Variants in WDR36 observed in about 807,000 individuals in gnomAD.
WDR36 encodes the protein WD repeat-containing protein 36.
Under a neutral mutation model 112.7 loss-of-function variants are expected in WDR36, and 63 were observed. The observed-to-expected ratio is 0.56, with a 90% CI of 0.46 to 0.69. The LOEUF (loss-of-function observed/expected upper bound fraction) is 0.69. WDR36 is among the 30% of genes least tolerant of loss of function. The pLI is 0.00. For synonymous variants in WDR36, 410 were observed against 362.2 expected (o/e 1.13, Z -1.50); for missense variants, 1,226 against 1,070.3 (o/e 1.15, Z -2.03).
At chr5:111,105,235 A>G (rs531256866) in intron 9 of WDR36, 60 bp from the exon 10 acceptor site, 4 of 1,516,866 alleles carry the variant, frequency 2.6e-6, no homozygotes, top group African/African-American at 2.8e-5. Context: ...AAAATTTGTG[A>G]TTCACATAGT....
chr5:111,106,142 A>G lies in WDR36; in HGVS notation c.1179A>G (p.Ala393=). 5.6e-6 allele frequency: 9 copies of G among 1,609,174 alleles called. No individual in the cohort carries two copies. The highest frequency in any genetic ancestry group is 6.8e-6 in the Non-Finnish European group (8 of 1,176,364). ...VRLPPITKFA[A]EEARESDWDG... Reference sequence around the variant, plus strand: ...TTCCACCCATCACAAAGTTTGCAGCAGGTAAGTAACTTCAAACTGTGTTTT... The same window carrying G: ...TTCCACCCATCACAAAGTTTGCAGCGGGTAAGTAACTTCAAACTGTGTTTT... The change falls in exon 11 of 23, where the codon GCA becomes GCG. Residue 393 remains alanine (A), a splice_region_variant and synonymous_variant. Transcript: ENST00000513710.
At chr5:111,114,004 C>G (rs1165750940) in intron 16 of WDR36, among the ~76,000 whole-genome samples, 1 of 152,132 alleles carries the variant, frequency 6.6e-6, no homozygotes, top group Admixed American at 6.6e-5. Flanking sequence ...AGGGGACATT[C>G]TAACTATATC....
chr5:111,101,556 T>C (rs1475242844), intron 5 of WDR36, among the ~76,000 whole-genome samples: 1 of 151,924 alleles, frequency 6.6e-6, no homozygotes, highest in African/African-American at 2.4e-5. Flanking sequence ...ATACATGATT[T>C]TGAATACTTC....
chr5:111,111,646 A>G (rs1753341831), intron 15 of WDR36: 1 of 200,194 alleles, frequency 5.0e-6, no homozygotes, highest in Non-Finnish European at 1.0e-5. Context: ...GTAGAAGACC[A>G]TTTCCCTGGA....
intron 11 of WDR36, among the ~76,000 whole-genome samples, chr5:111,107,083 A>G (rs553007521): frequency 1.3e-5 from 2 of 151,512 alleles, no homozygotes; most frequent in African/African-American, 4.8e-5. Flanking sequence ...TCACAACGTT[A>G]TGTTCTATGC....
chr5:111,106,106 G>A lies in WDR36; in HGVS notation c.1143G>A (p.Met381Ile), dbSNP rs765247485. The change falls in exon 11 of 23, where the codon ATG becomes ATA. Residue 381 changes from methionine to isoleucine, a missense_variant. Met to Ile is a conservative substitution (Grantham distance 10, BLOSUM62 1). Transcript: ENST00000513710. ...RVKRKGLQNT[M>I]SVRLPPITKF... ...AACGTAAAGGACTTCAGAATACCAT[G>A]TCAGTGAGACTTCCACCCATCACAA... 3 of 1,609,970 alleles carry A rather than the reference G, an allele frequency of 1.9e-6. No homozygotes were observed. Among genetic ancestry groups the A allele is most frequent in the African/African-American group, 2.7e-5 (2 of 74,654 alleles).
chr5:111,116,458 A>C (rs571954906), intron 16 of WDR36, among the ~76,000 whole-genome samples: 1 of 152,302 alleles, frequency 6.6e-6, no homozygotes, highest in African/African-American at 2.4e-5. Context: ...GCACTTTGGA[A>C]ATAGAACATA....
intron 19 of WDR36, among the ~76,000 whole-genome samples, chr5:111,122,337 A>C (rs150918099): frequency 6.6e-6 from 1 of 152,364 alleles, no homozygotes; most frequent in East Asian, 1.9e-4. Context: ...ACTGCATAAA[A>C]TCTTATATCA....
At chr5:111,099,399 G>A (rs1161105509) in intron 4 of WDR36, among the ~76,000 whole-genome samples, 1 of 136,518 alleles carries the variant, frequency 7.3e-6, no homozygotes, top group Non-Finnish European at 1.6e-5. Flanking sequence ...AATCTTTTAA[G>A]TTCTTTAATC....
chr5:111,100,061 T>G (rs1237827435), intron 4 of WDR36, among the ~76,000 whole-genome samples: 2 of 113,846 alleles, frequency 1.8e-5, no homozygotes, highest in East Asian at 2.2e-4. Context: ...GGTTATACGT[T>G]TTTTTTTTCT....
intron 11 of WDR36, among the ~76,000 whole-genome samples, 189 bp from the exon 12 acceptor site, chr5:111,107,105 A>T (rs1249895126): frequency 6.6e-6 from 1 of 151,490 alleles, no homozygotes; most frequent in Non-Finnish European, 1.5e-5. Flanking sequence ...ATAAACACAT[A>T]AATACACACA....
In WDR36 at chr5:111,111,210, G is replaced by A; in HGVS notation, c.1648G>A (p.Val550Ile). The change falls in exon 15 of 23, where the codon GTT becomes ATT. Residue 550 changes from valine to isoleucine, a missense_variant. Transcript: ENST00000513710. ...CGCCTTGGATGACTTCTCCATTAGTGTTCTGGACATAGAAACTAGGAAGAT... is the reference window on the plus strand; with the variant it reads ...CGCCTTGGATGACTTCTCCATTAGTATTCTGGACATAGAAACTAGGAAGAT... ...GLALDDFSIS[V>I]LDIETRKIVR... The A allele has an allele frequency of 1.9e-6, 3 of 1,611,892 alleles. No homozygotes were observed. The highest frequency in any genetic ancestry group is 2.5e-6 in the Non-Finnish European group (3 of 1,178,328).
intron 12 of WDR36, 100 bp downstream of exon 12, chr5:111,107,539 G>T: frequency 6.7e-7 from 1 of 1,484,938 alleles, no homozygotes; most frequent in Non-Finnish European, 9.1e-7. Context: ...CTGAAAAAAC[G>T]TAGTTTAACA....
At chr5:111,107,267 T>G in intron 11 of WDR36, 27 bp from the exon 12 acceptor site, 1 of 1,601,982 alleles carries the variant, frequency 6.2e-7, no homozygotes, top group South Asian at 1.1e-5. Flanking sequence ...AAAAGTAATT[T>G]GATTTATGAT....
intron 1 of WDR36, among the ~76,000 whole-genome samples, chr5:111,093,279 T>C (rs536897050): frequency 6.6e-6 from 1 of 152,262 alleles, no homozygotes; most frequent in African/African-American, 2.4e-5. Flanking sequence ...ATAGTGTCTC[T>C]TGTTTACTTG....
Position 111,092,562 on chromosome 5 carries a change from C to G in WDR36, c.106C>G (p.Leu36Val), listed in dbSNP as rs748957322. The G allele has an allele frequency of 1.9e-6, 3 of 1,614,202 alleles. No individual in the cohort carries two copies. The highest frequency in any genetic ancestry group is 1.1e-5 in the South Asian group (1 of 91,086). ...DIPHVVRFSA[L>V]KRRFYVTTCV... ...TCCACACGTGGTGCGGTTCAGCGCGCTCAAGCGCCGGTTCTATGTAACAAC... is the reference window on the plus strand; with the variant it reads ...TCCACACGTGGTGCGGTTCAGCGCGGTCAAGCGCCGGTTCTATGTAACAAC... The change falls in exon 1 of 23, where the codon CTC becomes GTC. Residue 36 changes from leucine to valine, a missense_variant. Coordinates refer to ENST00000513710, the MANE Select transcript of WDR36 (RefSeq NM_139281.3).
At chr5:111,106,570 A>G (rs867544569) in intron 11 of WDR36, among the ~76,000 whole-genome samples, 1 of 151,476 alleles carries the variant, frequency 6.6e-6, no homozygotes, top group African/African-American at 2.4e-5. Flanking sequence ...AAAAATATAG[A>G]TAATGGGTTT....
At position 111,129,665 on chromosome 5, in the gene WDR36, A is replaced by T. The variant is rs1187739754; in HGVS notation, c.*2782A>T. On this transcript the variant is annotated 3_prime_UTR_variant, in exon 23 of 23. Coordinates refer to ENST00000513710, the MANE Select transcript of WDR36 (RefSeq NM_139281.3). ...TACTTAGCCATTTGGCTTTAATTTT[A>T]CATGGTGTCTGTTTAAATAAATGTT... 1 of 204,432 alleles carries T rather than the reference A, an allele frequency of 4.9e-6. No individual in the cohort carries two copies. Among genetic ancestry groups the T allele is most frequent in the Non-Finnish European group, 1.0e-5 (1 of 100,026 alleles). The allele number at this position is 204,432 out of a possible 1,614,324, so 12.7% of individuals were successfully genotyped here.
intron 22 of WDR36, among the ~76,000 whole-genome samples, 159 bp downstream of exon 22, chr5:111,125,954 T>C (rs982942438): frequency 6.6e-6 from 1 of 152,182 alleles, no homozygotes; most frequent in Non-Finnish European, 1.5e-5. Context: ...ATGTAAATAG[T>C]GTGATCAAGA....
Sources: gnomAD v4.1 joint callset for allele counts (sites outside exome capture counted in the v4.1 genomes callset) on GRCh38, gnomAD v4.1.1 for gene constraint, MANE v1.5 for transcripts, NCBI Gene and HGNC (gene_info 2026-07-23, HGNC 2026-07-21) for gene names.